HAUS5: variants seen among roughly 807,000 people sequenced by gnomAD.
HAUS5 encodes HAUS augmin-like complex subunit 5.
HAUS5 carries 67 observed loss-of-function variants against 94.1 expected under a neutral mutation model. The ratio of observed to expected loss-of-function variants is 0.71; its 90% CI spans 0.58 to 0.87. The LOEUF (loss-of-function observed/expected upper bound fraction) is 0.87, where lower values mean the gene tolerates loss of function less well. Among genes scored for constraint, HAUS5 ranks in the 40% least tolerant of loss-of-function variants. The probability of loss-of-function intolerance (pLI) is 0.00; values close to 1 mark genes in which losing one functional copy is unlikely to be tolerated. For missense variants in HAUS5, 739 were observed against 825.6 expected (o/e 0.90, Z 1.29); for synonymous variants, 339 against 355.4 (o/e 0.95, Z 0.52).
chr19:35,615,940 G>A (rs746122318), intron 6 of HAUS5, among the ~76,000 whole-genome samples: 1 of 152,168 alleles, frequency 6.6e-6, no homozygotes, highest in African/African-American at 2.4e-5. Flanking sequence ...AGGTGAGGTC[G>A]AAGGAGTGGA....
In HAUS5 at chr19:35,623,320, A is replaced by C. The variant is rs1439806701; in HGVS notation, c.*327A>C. 3.6e-6 allele frequency: 1 copy of C among 274,190 alleles called. No homozygotes were observed. Among genetic ancestry groups the C allele is most frequent in the African/African-American group, 2.2e-5 (1 of 44,564 alleles). The allele number at this position is 274,190 out of a possible 1,614,324, so 17.0% of individuals were successfully genotyped here. A position where few individuals can be genotyped will look rare whatever the true frequency, so the allele number is the denominator to read the frequency against. On this transcript the variant is annotated 3_prime_UTR_variant, in exon 19 of 19. Coordinates refer to ENST00000203166, the MANE Select transcript of HAUS5 (RefSeq NM_015302.2). ...AGCAGTTGAGTTCTAGGGCAGGGAG[A>C]CAGAGTTTACAAGATAAGGAAAATA...
Position 35,619,662 on chromosome 19 carries a change from CA to C in HAUS5, c.1311del (p.Pro438HisfsTer33). On this transcript the variant is annotated frameshift_variant, in exon 15 of 19. Coordinates refer to ENST00000203166, the MANE Select transcript of HAUS5 (RefSeq NM_015302.2). LOFTEE classifies it high-confidence loss of function. ...RKVVPTFEAV[A>X]PQSRELLRCL... ...GTGGTCCCTACATTTGAGGCAGTGG[CA>C]CCACAGAGCCGGGAGCTGCTGCGCT... The C allele has an allele frequency of 7.0e-7, 1 of 1,429,576 alleles. No homozygotes were observed. Among genetic ancestry groups the C allele is most frequent in the Non-Finnish European group, 9.3e-7 (1 of 1,069,692 alleles). The allele number at this position is 1,429,576 out of a possible 1,614,324, so 88.6% of individuals were successfully genotyped here. A position where few individuals can be genotyped will look rare whatever the true frequency, so the allele number is the denominator to read the frequency against.
intron 1 of HAUS5, 48 bp downstream of exon 1, chr19:35,612,940 C>A: frequency 7.7e-7 from 1 of 1,297,032 alleles, no homozygotes; most frequent in Non-Finnish European, 1.0e-6. Flanking sequence ...GAGATTGAGT[C>A]TCCGGGAGTG....
chr19:35,620,223 CCT>C lies in HAUS5; in HGVS notation c.1552_1553del (p.Leu518SerfsTer69). The C allele has an allele frequency of 6.2e-7, 1 of 1,613,780 alleles. No individual in the cohort carries two copies. Among genetic ancestry groups the C allele is most frequent in the South Asian group, 1.1e-5 (1 of 91,070 alleles). On this transcript the variant is annotated frameshift_variant, in exon 17 of 19. Transcript: ENST00000203166. LOFTEE classifies it high-confidence loss of function. ...TCGGAGCTGCTCCTGCCGGCGGCTG[CCT>C]CTCTTCGCCAGGACCTTCTGCTCCT...
chr19:35,621,348 CTTTTGTTTTTTT>C (rs1967206329), intron 17 of HAUS5, among the ~76,000 whole-genome samples: 2 of 152,134 alleles, frequency 1.3e-5, no homozygotes, highest in African/African-American at 4.8e-5. Context: ...TTTGTTTTTG[CTTTTGTTTTTTT>C]GAGACAAGGT....
chr19:35,623,914 A>G lies in HAUS5; in HGVS notation c.*921A>G, dbSNP rs1156381875. 6.6e-6 allele frequency: 1 copy of G among 152,144 alleles called. No individual in the cohort carries two copies. The highest frequency in any genetic ancestry group is 1.5e-5 in the Non-Finnish European group (1 of 68,042). The allele number at this position is 152,144 out of a possible 1,614,324, so 9.4% of individuals were successfully genotyped here. The stretch of plus-strand genomic sequence containing the variant: ...GTGCATTTCACTGCGTGGGTTACTC[A>G]ATTTATAAAGCAAAGCCCTTACACT... On this transcript the variant is annotated 3_prime_UTR_variant, in exon 19 of 19. Coordinates refer to ENST00000203166, the MANE Select transcript of HAUS5 (RefSeq NM_015302.2).
intron 8 of HAUS5, 46 bp from the exon 9 acceptor site, chr19:35,617,809 T>C (rs761560117): frequency 6.5e-7 from 1 of 1,536,688 alleles, no homozygotes; most frequent in East Asian, 2.2e-5. Flanking sequence ...TAGAGGATAA[T>C]TGACGTGTCT....
At chr19:35,616,028 G>T (rs1157832557) in intron 6 of HAUS5, among the ~76,000 whole-genome samples, 1 of 152,122 alleles carries the variant, frequency 6.6e-6, no homozygotes, top group African/African-American at 2.4e-5. Flanking sequence ...AAAATTGGGT[G>T]ACCTAAGGCT....
intron 1 of HAUS5, 94 bp downstream of exon 1, chr19:35,612,986 C>T (rs923789070): frequency 1.1e-6 from 1 of 904,152 alleles, no homozygotes; most frequent in African/African-American, 1.8e-5. Context: ...CGACTCCCCC[C>T]AATTCCCCAT....
chr19:35,618,811 G>A, intron 12 of HAUS5, 76 bp from the exon 13 acceptor site: 1 of 1,527,526 alleles, frequency 6.5e-7, no homozygotes. Context: ...TCCCTGCAGT[G>A]TCTCTCCCTG....
At chr19:35,618,723 T>A (rs999396314) in intron 12 of HAUS5, 24 bp downstream of exon 12, 1 of 1,556,214 alleles carries the variant, frequency 6.4e-7, no homozygotes, top group Admixed American at 1.9e-5. Context: ...CGAGAAGAGG[T>A]CTCTAGGCCA....
intron 1 of HAUS5, 133 bp from the exon 2 acceptor site, chr19:35,613,593 CAAAA>C: frequency 1.7e-6 from 1 of 578,370 alleles, no homozygotes. Flanking sequence ...AAAAAAAAGG[CAAAA>C]AAAAGTTTGG....
intron 15 of HAUS5, 29 bp downstream of exon 15, chr19:35,619,787 C>G: frequency 6.6e-7 from 1 of 1,516,822 alleles, no homozygotes; most frequent in Non-Finnish European, 8.8e-7. Context: ...CACCCCTGCC[C>G]TGCATCCCCT....
In HAUS5 at chr19:35,623,122, C is replaced by G. The variant is rs1273683650; in HGVS notation, c.*129C>G. ...CGTCCCCACCCGCACCTGCAGTCCCCTCATGTGCTGTTCTGCTGCCCCACT... is the reference window on the plus strand; with the variant it reads ...CGTCCCCACCCGCACCTGCAGTCCCGTCATGTGCTGTTCTGCTGCCCCACT... On this transcript the variant is annotated 3_prime_UTR_variant, in exon 19 of 19. Transcript: ENST00000203166. 1.5e-6 allele frequency: 1 copy of G among 668,126 alleles called. No homozygotes were observed. Among genetic ancestry groups the G allele is most frequent in the Admixed American group, 2.6e-5 (1 of 38,050 alleles). The allele number at this position is 668,126 out of a possible 1,614,324, so 41.4% of individuals were successfully genotyped here. A position where few individuals can be genotyped will look rare whatever the true frequency, so the allele number is the denominator to read the frequency against.
rs777162122 is a variant in HAUS5 at position 35,618,456 on chromosome 19, T to C, written c.876T>C (p.His292=). 9 of 1,577,476 alleles carry C rather than the reference T, an allele frequency of 5.7e-6. No homozygotes were observed. The South Asian group carries it at 9.9e-5, about 17-fold the overall frequency. ...DSSQTLPSMV[H]LIQEGWRTVG... ...GCCAGACCCTGCCGTCCATGGTTCA[T>C]CTCATCCAGGTGACCCCAGGGCTCG... is the stretch of plus-strand genomic sequence containing the variant. Residue 292 remains histidine (H), a synonymous_variant, in exon 11 of 19, where the codon CAT becomes CAC. Transcript: ENST00000203166.
chr19:35,619,584 G>GCGGCCCCCCCCC, intron 14 of HAUS5, 29 bp from the exon 15 acceptor site: 8 of 1,533,854 alleles, frequency 5.2e-6, no homozygotes, highest in Non-Finnish European at 6.2e-6. Flanking sequence ...ATGTTGTGAT[G>GCGGCCCCCCCCC]CCCCACCCAC....
At chr19:35,614,219 T>G (rs2071921009) in intron 4 of HAUS5, 160 bp downstream of exon 4, 1 of 696,996 alleles carries the variant, frequency 1.4e-6, no homozygotes, top group South Asian at 1.6e-5. Context: ...GGAAACAGCA[T>G]TAGCTCAGCC....
chr19:35,622,327 G>A (rs1345432500), intron 17 of HAUS5, among the ~76,000 whole-genome samples: 1 of 151,644 alleles, frequency 6.6e-6, no homozygotes, highest in African/African-American at 2.4e-5. Context: ...CTCTCACGGG[G>A]AGGGAGGAAG....
chr19:35,614,445 G>A (rs533904829), intron 4 of HAUS5, among the ~76,000 whole-genome samples: 5 of 152,242 alleles, frequency 3.3e-5, no homozygotes, highest in African/African-American at 1.2e-4. Context: ...TTAGCCAGGC[G>A]TGGTGGCACA....
Sources: gnomAD v4.1 joint callset for allele counts (sites outside exome capture counted in the v4.1 genomes callset) on GRCh38, gnomAD v4.1.1 for gene constraint, MANE v1.5 for transcripts, NCBI Gene and HGNC (gene_info 2026-07-23, HGNC 2026-07-21) for gene names.